Variants in GIGYF2 observed in about 807,000 individuals in gnomAD.
The protein encoded by GIGYF2 is GRB10 interacting GYF protein 2.
Under a neutral mutation model 208.1 loss-of-function variants are expected in GIGYF2, and 25 were observed. The observed-to-expected ratio is 0.12, with a 90% CI of 0.09 to 0.17. The LOEUF is 0.17. Ranked by LOEUF, GIGYF2 falls within the 10% of genes least tolerant of loss-of-function variation. The pLI is 1.00. For synonymous variants in GIGYF2, 534 were observed against 543.8 expected, an observed-to-expected ratio of 0.98 and a Z score of 0.25; for missense variants, 1,302 against 1,579.4, an observed-to-expected ratio of 0.82 and a Z score of 2.98.
At chr2:232,766,061 C>A in intron 8 of GIGYF2, 1 of 470,630 alleles carries the variant, frequency 2.1e-6, no homozygotes, top group Non-Finnish European at 4.4e-6. Context: ...TTGTTACTTC[C>A]TTTTCCTCAG....
At chr2:232,828,718 A>G (rs1701327507) in intron 21 of GIGYF2, 1 of 152,234 alleles carries the variant, frequency 6.6e-6, no homozygotes, top group South Asian at 2.1e-4. Flanking sequence ...AAGTTAGTAT[A>G]CAACCCCCCA....
At chr2:232,701,711 A>T (rs1347544507) in intron 1 of GIGYF2, among the ~76,000 whole-genome samples, 1 of 152,026 alleles carries the variant, frequency 6.6e-6, no homozygotes, top group Non-Finnish European at 1.5e-5. Flanking sequence ...GGCATGAGCC[A>T]CTGTGCCCCA....
At chr2:232,835,130 G>T (rs1701543357) in intron 22 of GIGYF2, among the ~76,000 whole-genome samples, 1 of 152,140 alleles carries the variant, frequency 6.6e-6, no homozygotes, top group Admixed American at 6.5e-5. Flanking sequence ...TAGGACAATA[G>T]CCTCCAGTTC....
chr2:232,718,430 T>G (rs1390910961), intron 2 of GIGYF2, among the ~76,000 whole-genome samples: 1 of 152,196 alleles, frequency 6.6e-6, no homozygotes, highest in East Asian at 1.9e-4. Context: ...GAGTAATATT[T>G]CATTATATGA....
At chr2:232,762,987 ACT>A (rs141267096) in intron 8 of GIGYF2, among the ~76,000 whole-genome samples, 3,404 of 151,840 alleles carry the variant, frequency 0.022, 132 homozygotes, top group African/African-American at 0.077. Flanking sequence ...ACACCATTGC[ACT>A]CTCTAGCCCA....
chr2:232,719,357 A>C (rs1407198493), intron 2 of GIGYF2, among the ~76,000 whole-genome samples: 3 of 152,148 alleles, frequency 2.0e-5, no homozygotes, highest in Non-Finnish European at 4.4e-5. Flanking sequence ...CCCACATGGG[A>C]CTTACTACGT....
chr2:232,746,206 C>T (rs930404675), intron 3 of GIGYF2, among the ~76,000 whole-genome samples: 1 of 151,740 alleles, frequency 6.6e-6, no homozygotes, highest in Non-Finnish European at 1.5e-5. Flanking sequence ...CCAACAGTCT[C>T]ACTTTACTAA....
At chr2:232,789,822 A>C (rs1700017845) in intron 9 of GIGYF2, among the ~76,000 whole-genome samples, 1 of 152,110 alleles carries the variant, frequency 6.6e-6, no homozygotes, top group African/African-American at 2.4e-5. Flanking sequence ...AGATTTTAGC[A>C]AGAGTTTCCC....
chr2:232,776,310 C>T, intron 8 of GIGYF2: 1 of 571,914 alleles, frequency 1.7e-6, no homozygotes, highest in Non-Finnish European at 3.1e-6. Context: ...AGAAACCTTA[C>T]TATCCTACAC....
chr2:232,836,587 A>G (rs1701647281), intron 22 of GIGYF2, among the ~76,000 whole-genome samples: 1 of 142,516 alleles, frequency 7.0e-6, no homozygotes, highest in East Asian at 2.1e-4. Context: ...AAAAAAAAAA[A>G]TCCCTTGGGG....
intron 7 of GIGYF2, 57 bp from the exon 8 acceptor site, chr2:232,761,339 G>C: frequency 9.0e-7 from 1 of 1,108,950 alleles, no homozygotes; most frequent in Non-Finnish European, 1.4e-6. Flanking sequence ...GAGTGTCACA[G>C]ATAGGAAATC....
intron 8 of GIGYF2, among the ~76,000 whole-genome samples, chr2:232,781,637 C>T (rs1267172027): frequency 6.6e-6 from 1 of 151,966 alleles, no homozygotes; most frequent in Non-Finnish European, 1.5e-5. Context: ...CTATGTCTCC[C>T]CTTTTTAGAG....
intron 1 of GIGYF2, among the ~76,000 whole-genome samples, chr2:232,699,473 C>G (rs146320738): frequency 1.4e-3 from 220 of 152,258 alleles, no homozygotes; most frequent in African/African-American, 5.1e-3. Context: ...GGGCCAGCAG[C>G]CAGCCTCCCC....
At chr2:232,764,358 G>A (rs1306136846) in intron 8 of GIGYF2, 2 of 152,286 alleles carry the variant, frequency 1.3e-5, no homozygotes, top group African/African-American at 2.4e-5. Context: ...CAGTGAGTCA[G>A]GTGATAGGCC....
intron 22 of GIGYF2, among the ~76,000 whole-genome samples, chr2:232,838,551 A>T (rs751482895): frequency 5.3e-5 from 8 of 152,134 alleles, no homozygotes; most frequent in Non-Finnish European, 8.8e-5. Flanking sequence ...ATCAGTGGTT[A>T]CTGGCTGCAT....
intron 12 of GIGYF2, among the ~76,000 whole-genome samples, chr2:232,791,750 AT>A (rs765257062): frequency 1.3e-5 from 2 of 152,166 alleles, no homozygotes; most frequent in Admixed American, 1.3e-4. Context: ...CATTAGTTTG[AT>A]TCCCGTATTA....
chr2:232,847,187 T>C (rs992658585), intron 26 of GIGYF2, among the ~76,000 whole-genome samples, 161 bp from the exon 27 acceptor site: 1 of 152,094 alleles, frequency 6.6e-6, no homozygotes, highest in African/African-American at 2.4e-5. Flanking sequence ...TTCTATAGGG[T>C]AGATAAAAGA....
At chr2:232,785,321 G>A (rs757655357) in intron 8 of GIGYF2, among the ~76,000 whole-genome samples, 2 of 152,150 alleles carry the variant, frequency 1.3e-5, no homozygotes, top group Non-Finnish European at 2.9e-5. Context: ...CTAGCTGGGT[G>A]GTTCTGGCCC....
At chr2:232,774,914 C>A (rs1424448507) in intron 8 of GIGYF2, among the ~76,000 whole-genome samples, 1 of 152,166 alleles carries the variant, frequency 6.6e-6, no homozygotes, top group East Asian at 1.9e-4. Flanking sequence ...TGGGCTTTTT[C>A]AGGACTGTTG....
Sources: allele counts gnomAD v4.1 joint callset (sites outside exome capture counted in the v4.1 genomes callset), GRCh38; gene constraint gnomAD v4.1.1; transcripts MANE v1.5; gene names NCBI Gene and HGNC (gene_info 2026-07-23, HGNC 2026-07-21).